The following ELAVL2 variants were observed in gnomAD, a reference collection of about 807,000 sequenced individuals.
ELAVL2 encodes ELAV-like protein 2.
In ELAVL2, 4 loss-of-function variants were observed where a neutral mutation model predicts 34.6. The ratio of observed to expected loss-of-function variants is 0.12; its 90% confidence interval spans 0.06 to 0.26. ELAVL2 has a LOEUF of 0.26. Among genes scored for constraint, ELAVL2 ranks in the 10% least tolerant of loss-of-function variants. The probability of loss-of-function intolerance (pLI) is 1.00; values close to 1 mark genes in which losing one functional copy is unlikely to be tolerated. For missense variants in ELAVL2, 432 were observed against 442.8 expected, an observed-to-expected ratio of 0.98 and a Z score of 0.22; for synonymous variants, 193 against 154.8, an observed-to-expected ratio of 1.25 and a Z score of -1.83.
intron 2 of ELAVL2, among the ~76,000 whole-genome samples, chr9:23,755,022 G>A (rs1293569772): frequency 1.3e-5 from 2 of 152,018 alleles, no homozygotes; most frequent in Non-Finnish European, 2.9e-5. Flanking sequence ...CATATTTTCT[G>A]AACGCTTCCC....
At chr9:23,726,905 G>C (rs533851995) in intron 3 of ELAVL2, among the ~76,000 whole-genome samples, 2 of 152,112 alleles carry the variant, frequency 1.3e-5, no homozygotes, top group South Asian at 4.2e-4. Context: ...CTCACTTCAT[G>C]AATAACTCAC....
chr9:23,769,985 A>G (rs1231568339), intron 1 of ELAVL2, among the ~76,000 whole-genome samples: 3 of 152,154 alleles, frequency 2.0e-5, no homozygotes, highest in African/African-American at 7.2e-5. Flanking sequence ...AGTTTGAGCA[A>G]TGGGAAAGTA....
intron 1 of ELAVL2, among the ~76,000 whole-genome samples, chr9:23,789,023 GAA>G (rs1471025880): frequency 1.3e-5 from 2 of 152,180 alleles, no homozygotes; most frequent in African/African-American, 4.8e-5. Flanking sequence ...CCAAGCAAAA[GAA>G]AAGAGACCAA....
intron 3 of ELAVL2, among the ~76,000 whole-genome samples, chr9:23,709,476 G>C (rs2040343122): frequency 6.6e-6 from 1 of 151,584 alleles, no homozygotes; most frequent in Non-Finnish European, 1.5e-5. Context: ...TGTGGATTTA[G>C]ATCTTACAGG....
intron 1 of ELAVL2, chr9:23,765,125 G>GT: frequency 2.5e-6 from 4 of 1,570,654 alleles, no homozygotes; most frequent in Non-Finnish European, 3.4e-6. Flanking sequence ...AAAAAGTACC[G>GT]TATGTTAGAT....
chr9:23,773,544 T>C (rs2057681251), intron 1 of ELAVL2, among the ~76,000 whole-genome samples: 1 of 152,176 alleles, frequency 6.6e-6, no homozygotes, highest in Admixed American at 6.5e-5. Flanking sequence ...ATGAAGCAAG[T>C]GTATGAGCAT....
At chr9:23,712,781 T>C (rs2041323659) in intron 3 of ELAVL2, among the ~76,000 whole-genome samples, 1 of 152,198 alleles carries the variant, frequency 6.6e-6, no homozygotes, top group Non-Finnish European at 1.5e-5. Context: ...GTCAAGGCAG[T>C]TGATCTTAGC....
At position 23,759,978 on chromosome 9, in the gene ELAVL2, T is replaced by C. The variant is rs566589886; in HGVS notation, c.229+2028A>G. 3.3e-5 allele frequency among the ~76,000 whole-genome samples: 5 copies of C among 151,306 alleles called. No homozygotes were observed. In the East Asian group the frequency reaches 9.7e-4, roughly 29 times the overall value. ...AGGCAGGGGTCAGAGGTGAAGGAAATGGATGAGAAATATTTACACAGTTTT... is the reference window on the plus strand; with the variant it reads ...AGGCAGGGGTCAGAGGTGAAGGAAACGGATGAGAAATATTTACACAGTTTT... On this transcript the variant is annotated intron_variant, in intron 2 of 6. Coordinates refer to ENST00000397312, the MANE Select transcript of ELAVL2 (RefSeq NM_004432.5).
chr9:23,739,839 A>T (rs1430938906), intron 2 of ELAVL2, among the ~76,000 whole-genome samples: 2 of 152,046 alleles, frequency 1.3e-5, no homozygotes, highest in African/African-American at 4.8e-5. Flanking sequence ...GAGGCAGTAC[A>T]GCTTCTTAAT....
chr9:23,772,873 G>C (rs1457256823), intron 1 of ELAVL2, among the ~76,000 whole-genome samples: 1 of 151,972 alleles, frequency 6.6e-6, no homozygotes, highest in East Asian at 1.9e-4. Context: ...ATGGAAATTT[G>C]AGGCATCTTA....
chr9:23,743,138 C>T (rs917875249), intron 2 of ELAVL2, among the ~76,000 whole-genome samples: 2 of 152,160 alleles, frequency 1.3e-5, no homozygotes, highest in Admixed American at 6.5e-5. Flanking sequence ...ACCATGGCTA[C>T]GAATTAAGTC....
chr9:23,803,834 T>TTTGC (rs1470625505), intron 1 of ELAVL2, among the ~76,000 whole-genome samples: 1 of 152,180 alleles, frequency 6.6e-6, no homozygotes, highest in African/African-American at 2.4e-5. Context: ...TTTCCCAATG[T>TTTGC]TTGCAGCAGA....
chr9:23,771,146 T>A (rs2057234872), intron 1 of ELAVL2, among the ~76,000 whole-genome samples: 1 of 152,216 alleles, frequency 6.6e-6, no homozygotes, highest in South Asian at 2.1e-4. Flanking sequence ...GCAATTCAGG[T>A]GCAGGATGAC....
chr9:23,792,082 A>G (rs1190317158), intron 1 of ELAVL2, among the ~76,000 whole-genome samples: 2 of 152,192 alleles, frequency 1.3e-5, no homozygotes, highest in African/African-American at 2.4e-5. Context: ...TCAAGTAACT[A>G]CACCATCATT....
intron 3 of ELAVL2, among the ~76,000 whole-genome samples, chr9:23,710,294 A>T (rs758791987): frequency 3.1e-4 from 47 of 152,352 alleles, no homozygotes; most frequent in Middle Eastern, 3.4e-3. Context: ...TCAAAATTAT[A>T]CAAAGAAACA....
At chr9:23,836,271 C>T in the ELAVL2 span, among the ~76,000 whole-genome samples, 5 of 152,164 alleles carry the variant, frequency 3.3e-5, no homozygotes, top group African/African-American at 1.2e-4. Flanking sequence ...GAAGATGTCA[C>T]ATAAATGAAT....
intron 3 of ELAVL2, among the ~76,000 whole-genome samples, chr9:23,708,453 C>T (rs2040008864): frequency 6.6e-6 from 1 of 152,146 alleles, no homozygotes; most frequent in Admixed American, 6.5e-5. Context: ...AAACTCTGAT[C>T]TTTCTCTTTC....
At chr9:23,711,323 A>G (rs1332360445) in intron 3 of ELAVL2, among the ~76,000 whole-genome samples, 1 of 152,210 alleles carries the variant, frequency 6.6e-6, no homozygotes, top group African/African-American at 2.4e-5. Flanking sequence ...GAATGTTTTA[A>G]GACTAAACAA....
At chr9:23,832,815 C>T in the ELAVL2 span, among the ~76,000 whole-genome samples, 1 of 152,158 alleles carries the variant, frequency 6.6e-6, no homozygotes, top group East Asian at 1.9e-4. Flanking sequence ...GCTTATATCA[C>T]TTTAGGATAA....
Sources: gnomAD v4.1 joint callset for allele counts (sites outside exome capture counted in the v4.1 genomes callset) on GRCh38, gnomAD v4.1.1 for gene constraint, MANE v1.5 for transcripts, NCBI Gene and HGNC (gene_info 2026-07-23, HGNC 2026-07-21) for gene names.